PRKN: variants seen among roughly 807,000 people sequenced by gnomAD.
PRKN encodes parkin RBR E3 ubiquitin protein ligase, also known as E3 ubiquitin-protein ligase parkin.
PRKN carries 56 observed loss-of-function variants against 59.5 expected under a neutral mutation model. The ratio of observed to expected loss-of-function variants is 0.94; its 90% confidence interval spans 0.76 to 1.18. The LOEUF is 1.18. Ranked by LOEUF, PRKN falls within the 50% of genes most tolerant of loss-of-function variation. The pLI, the probability that PRKN is intolerant of heterozygous loss-of-function variation, is 0.00. For synonymous variants in PRKN, 250 were observed against 222.1 expected (o/e 1.13, Z -1.12); for missense variants, 657 against 596.4 (o/e 1.10, Z -1.06).
intron 7 of PRKN, among the ~76,000 whole-genome samples, chr6:161,612,979 A>G (rs1463076811): frequency 8.5e-5 from 13 of 152,198 alleles, no homozygotes; most frequent in Non-Finnish European, 1.8e-4. Context: ...TGCTAACACA[A>G]CAGATGAAGG....
chr6:162,331,830 A>T (rs922662095), intron 2 of PRKN, among the ~76,000 whole-genome samples: 4 of 152,054 alleles, frequency 2.6e-5, no homozygotes, highest in Admixed American at 6.6e-5. Flanking sequence ...CGGTGGGGTT[A>T]TTGTCTCTGA....
rs575714640 is a variant in PRKN at position 161,831,185 on chromosome 6, G to A, written c.735-45277C>T. Among the ~76,000 whole-genome samples the A allele has an allele frequency of 1.1e-4, 16 of 152,304 alleles. No individual in the cohort carries two copies. The South Asian group carries it at 2.9e-3, about 28-fold the overall frequency. ...TCTAACCAAGAGATGCAAACAACTG[G>A]AGAAACATACAGGTGGTCTGCAGTT... On this transcript the variant is annotated intron_variant, in intron 6 of 11. Coordinates refer to ENST00000366898, the MANE Select transcript of PRKN (RefSeq NM_004562.3).
chr6:161,941,864 G>A (rs1243031487), intron 6 of PRKN, among the ~76,000 whole-genome samples: 1 of 152,172 alleles, frequency 6.6e-6, no homozygotes, highest in African/African-American at 2.4e-5. Flanking sequence ...ATGGATCATA[G>A]AGGAAAGATC....
intron 9 of PRKN, among the ~76,000 whole-genome samples, chr6:161,472,014 A>T (rs1790814713): frequency 6.6e-6 from 1 of 152,156 alleles, no homozygotes; most frequent in Non-Finnish European, 1.5e-5. Flanking sequence ...CATTTGAAAA[A>T]TTTTTGAAAA....
At chr6:162,436,484 G>T (rs1349056516) in intron 2 of PRKN, among the ~76,000 whole-genome samples, 1 of 151,454 alleles carries the variant, frequency 6.6e-6, no homozygotes, top group Non-Finnish European at 1.5e-5. Context: ...GGTGATTTTT[G>T]TATTTTTAGT....
chr6:161,437,373 T>G (rs1350921537), intron 9 of PRKN, among the ~76,000 whole-genome samples: 1 of 152,128 alleles, frequency 6.6e-6, no homozygotes, highest in Non-Finnish European at 1.5e-5. Flanking sequence ...GGTGTGAGAT[T>G]TCATCGCACA....
chr6:162,571,980 T>C (rs184282675), intron 1 of PRKN, among the ~76,000 whole-genome samples: 67 of 152,052 alleles, frequency 4.4e-4, no homozygotes, highest in South Asian at 2.3e-3. Flanking sequence ...CTTAGACAAA[T>C]TTGGAAAAAA....
intron 4 of PRKN, among the ~76,000 whole-genome samples, chr6:162,160,219 C>T (rs1782695175): frequency 6.6e-6 from 1 of 151,792 alleles, no homozygotes; most frequent in Non-Finnish European, 1.5e-5. Context: ...ATTAAGCTAC[C>T]CAATAAAAAA....
chr6:162,215,264 A>T (rs1209678063), intron 3 of PRKN, among the ~76,000 whole-genome samples: 1 of 152,176 alleles, frequency 6.6e-6, no homozygotes, highest in Non-Finnish European at 1.5e-5. Flanking sequence ...CCTGGTGTTG[A>T]TGAATAAAAA....
At chr6:162,277,872 C>A (rs534530386) in intron 2 of PRKN, among the ~76,000 whole-genome samples, 7 of 152,242 alleles carry the variant, frequency 4.6e-5, no homozygotes, top group Non-Finnish European at 1.5e-5. Flanking sequence ...TGGTTTCTTA[C>A]AAAACTAAAC....
intron 4 of PRKN, among the ~76,000 whole-genome samples, chr6:162,160,243 C>T (rs992185406): frequency 6.6e-6 from 1 of 152,078 alleles, no homozygotes; most frequent in Non-Finnish European, 1.5e-5. Context: ...GCAAAAGATT[C>T]AAGCAGACTA....
At chr6:162,701,867 A>G (rs1473974207) in intron 1 of PRKN, among the ~76,000 whole-genome samples, 2 of 92,144 alleles carry the variant, frequency 2.2e-5, no homozygotes, top group African/African-American at 8.3e-5. Flanking sequence ...ACATACATAC[A>G]CACACACACA....
At chr6:162,584,776 C>A (rs1583853746) in intron 1 of PRKN, among the ~76,000 whole-genome samples, 1 of 69,754 alleles carries the variant, frequency 1.4e-5, no homozygotes, top group South Asian at 8.0e-4. Flanking sequence ...TTTTCTTTTC[C>A]TCTCCTCTCC....
chr6:162,253,952 T>C (rs1264376007), intron 3 of PRKN, among the ~76,000 whole-genome samples: 2 of 152,130 alleles, frequency 1.3e-5, no homozygotes, highest in South Asian at 2.1e-4. Flanking sequence ...AGAAATTACA[T>C]GGCAAACAAC....
intron 3 of PRKN, among the ~76,000 whole-genome samples, chr6:162,229,499 C>T (rs529925093): frequency 6.6e-6 from 1 of 152,184 alleles, no homozygotes. Context: ...AGAGGCTGGG[C>T]TTTTCTTTTA....
intron 6 of PRKN, among the ~76,000 whole-genome samples, chr6:161,873,662 G>T (rs1008451769): frequency 6.6e-6 from 1 of 151,706 alleles, no homozygotes; most frequent in African/African-American, 2.4e-5. Flanking sequence ...TGCCAGTTGA[G>T]GCGTTTGATT....
chr6:161,611,484 T>C (rs1012428408), intron 7 of PRKN, among the ~76,000 whole-genome samples: 20 of 152,232 alleles, frequency 1.3e-4, no homozygotes, highest in African/African-American at 4.3e-4. Flanking sequence ...CAAACTTTTT[T>C]GTCATCATCA....
chr6:162,655,436 T>C (rs1778608833), intron 1 of PRKN, among the ~76,000 whole-genome samples: 1 of 152,180 alleles, frequency 6.6e-6, no homozygotes, highest in Admixed American at 6.6e-5. Flanking sequence ...CTCCTTTATT[T>C]TTTTAAGCGT....
intron 5 of PRKN, among the ~76,000 whole-genome samples, chr6:162,012,871 A>G (rs534738788): frequency 7.1e-4 from 108 of 152,228 alleles, no homozygotes; most frequent in African/African-American, 2.5e-3. Context: ...GACACATGCT[A>G]TCGTTTGTCC....
Sources: allele counts gnomAD v4.1 joint callset (sites outside exome capture counted in the v4.1 genomes callset), GRCh38; gene constraint gnomAD v4.1.1; transcripts MANE v1.5; gene names NCBI Gene and HGNC (gene_info 2026-07-23, HGNC 2026-07-21).